Variants in HERC3 observed in about 807,000 individuals in gnomAD.
The protein encoded by HERC3 is HECT and RLD domain containing E3 ubiquitin protein ligase 3.
In HERC3, 58 loss-of-function variants were observed where a neutral mutation model predicts 129.9. The ratio of observed to expected loss-of-function variants is 0.45; its 90% CI spans 0.36 to 0.56. The LOEUF (loss-of-function observed/expected upper bound fraction) is 0.56, where lower values mean the gene tolerates loss of function less well. Ranked by LOEUF, HERC3 falls within the 20% of genes least tolerant of loss-of-function variation. The pLI, the probability that HERC3 is intolerant of heterozygous loss-of-function variation, is 0.00. For synonymous variants in HERC3, 430 were observed against 451.0 expected (o/e 0.95, Z 0.59); for missense variants, 835 against 1,244.2 (o/e 0.67, Z 4.95).
At chr4:88,653,486 G>C (rs796137785) in intron 6 of HERC3, among the ~76,000 whole-genome samples, 7 of 152,350 alleles carry the variant, frequency 4.6e-5, no homozygotes, top group African/African-American at 1.7e-4. Context: ...AGAAGGGGAA[G>C]AGTAGCACAG....
chr4:88,582,583 A>C, the HERC3 span, among the ~76,000 whole-genome samples: 1 of 152,228 alleles, frequency 6.6e-6, no homozygotes, highest in Non-Finnish European at 1.5e-5. Flanking sequence ...CTCCCTCCCT[A>C]GGAATTGCAT....
chr4:88,650,848 T>C (rs983475511), intron 4 of HERC3, among the ~76,000 whole-genome samples: 6 of 152,228 alleles, frequency 3.9e-5, no homozygotes, highest in Admixed American at 3.3e-4. Flanking sequence ...AGTACAAATT[T>C]AATAAATGGC....
chr4:88,667,062 G>C (rs1036351715), intron 12 of HERC3, among the ~76,000 whole-genome samples: 1 of 152,134 alleles, frequency 6.6e-6, no homozygotes, highest in Non-Finnish European at 1.5e-5. Flanking sequence ...ATAATTATTT[G>C]TTTATAAACT....
chr4:88,641,899 C>T (rs1285214239), intron 3 of HERC3, among the ~76,000 whole-genome samples: 1 of 152,074 alleles, frequency 6.6e-6, no homozygotes, highest in African/African-American at 2.4e-5. Flanking sequence ...GGGCAGGACA[C>T]TTGAGACCAG....
At chr4:88,671,350 C>T (rs1731593692) in intron 16 of HERC3, among the ~76,000 whole-genome samples, 2 of 152,048 alleles carry the variant, frequency 1.3e-5, no homozygotes, top group Admixed American at 1.3e-4. Context: ...CAGCAGTTGT[C>T]TCCAAAAGCA....
Position 88,707,092 on chromosome 4 carries a change from G to T in HERC3, c.*132G>T. 1 of 709,988 alleles carries T rather than the reference G, an allele frequency of 1.4e-6. No individual in the cohort carries two copies. The allele number at this position is 709,988 out of a possible 1,614,324, so 44.0% of individuals were successfully genotyped here. ...TTGGGACTTTTAAATACTGAGCCTG[G>T]TTGATGTGTTTCTGGGATTGTATAG... On this transcript the variant is annotated 3_prime_UTR_variant, in exon 26 of 26. Coordinates refer to ENST00000402738, the MANE Select transcript of HERC3 (RefSeq NM_014606.3).
chr4:88,630,969 T>C (rs1726678332), intron 3 of HERC3, among the ~76,000 whole-genome samples: 1 of 152,232 alleles, frequency 6.6e-6, no homozygotes, highest in Non-Finnish European at 1.5e-5. Flanking sequence ...CCATTCCCTG[T>C]GACAGGGCTC....
intron 8 of HERC3, 77 bp downstream of exon 8, chr4:88,655,381 G>A: frequency 1.3e-6 from 2 of 1,496,726 alleles, no homozygotes; most frequent in East Asian, 2.3e-5. Flanking sequence ...TGAAGAATGT[G>A]ATTATACCTA....
chr4:88,612,097 G>A (rs1724393525), intron 3 of HERC3, among the ~76,000 whole-genome samples: 1 of 152,128 alleles, frequency 6.6e-6, no homozygotes, highest in South Asian at 2.1e-4. Context: ...TTTTTGGGAT[G>A]CATTCTGTAG....
At chr4:88,631,670 A>G (rs915252195) in intron 3 of HERC3, among the ~76,000 whole-genome samples, 2 of 152,212 alleles carry the variant, frequency 1.3e-5, no homozygotes, top group Non-Finnish European at 2.9e-5. Context: ...CCTTTACTAT[A>G]TGGAAAGATT....
chr4:88,651,982 A>G (rs754876351), intron 4 of HERC3, 30 bp from the exon 5 acceptor site: 12 of 1,401,346 alleles, frequency 8.6e-6, no homozygotes, highest in Admixed American at 1.7e-5. Flanking sequence ...GTGAATATCT[A>G]TCTGAAAAAG....
chr4:88,561,418 G>C, the HERC3 span, among the ~76,000 whole-genome samples: 3 of 152,158 alleles, frequency 2.0e-5, no homozygotes, highest in African/African-American at 7.2e-5. Context: ...GGGTACATGG[G>C]ATATTTTGAT....
At chr4:88,704,862 T>C (rs557896180) in intron 25 of HERC3, among the ~76,000 whole-genome samples, 1 of 145,718 alleles carries the variant, frequency 6.9e-6, no homozygotes, top group Admixed American at 6.7e-5. Flanking sequence ...TTTCTTTCTT[T>C]CTTTTTTTTT....
chr4:88,543,271 A>G, the HERC3 span, among the ~76,000 whole-genome samples: 1 of 152,256 alleles, frequency 6.6e-6, no homozygotes, highest in East Asian at 1.9e-4. Context: ...TGCAAATATC[A>G]CAAGCATTCC....
At chr4:88,565,166 C>A in the HERC3 span, among the ~76,000 whole-genome samples, 1 of 151,930 alleles carries the variant, frequency 6.6e-6, no homozygotes, top group Non-Finnish European at 1.5e-5. Context: ...TATGTTCTAT[C>A]CTTGAGAATG....
chr4:88,684,845 T>A (rs10026838), intron 21 of HERC3: 7,223 of 152,326 alleles, frequency 0.047, 199 homozygotes, highest in Middle Eastern at 0.12. Flanking sequence ...AGACTTTTTT[T>A]CAAAAAATAT....
intron 23 of HERC3, among the ~76,000 whole-genome samples, chr4:88,691,703 C>G (rs1734093378): frequency 6.6e-6 from 1 of 152,054 alleles, no homozygotes; most frequent in Admixed American, 6.5e-5. Context: ...ATCTTACCAA[C>G]AAAGTACATT....
the HERC3 span, among the ~76,000 whole-genome samples, chr4:88,571,344 G>A: frequency 6.6e-6 from 1 of 152,218 alleles, no homozygotes; most frequent in African/African-American, 2.4e-5. Flanking sequence ...TTAGTAATGG[G>A]AATGTCCCTA....
chr4:88,590,978 C>G (rs901332721), upstream of HERC3, among the ~76,000 whole-genome samples: 2 of 151,700 alleles, frequency 1.3e-5, no homozygotes, highest in Non-Finnish European at 2.9e-5. Flanking sequence ...CAACCTCCGC[C>G]TTCCAGGTTC....
Sources: gnomAD v4.1 joint callset for allele counts (sites outside exome capture counted in the v4.1 genomes callset) on GRCh38, gnomAD v4.1.1 for gene constraint, MANE v1.5 for transcripts, NCBI Gene and HGNC (gene_info 2026-07-23, HGNC 2026-07-21) for gene names.